SLC44A1: variants seen among roughly 807,000 people sequenced by gnomAD.
The protein encoded by SLC44A1 is solute carrier family 44 member 1, also known as choline transporter-like protein 1.
SLC44A1 carries 26 observed loss-of-function variants against 79.3 expected under a neutral mutation model. The ratio of observed to expected loss-of-function variants is 0.33; its 90% CI spans 0.24 to 0.46. The LOEUF (loss-of-function observed/expected upper bound fraction) is 0.46, where lower values mean the gene tolerates loss of function less well. Among genes scored for constraint, SLC44A1 ranks in the 20% least tolerant of loss-of-function variants. The pLI is 1.00. For missense variants in SLC44A1, 688 were observed against 798.1 expected, an observed-to-expected ratio of 0.86 and a Z score of 1.66; for synonymous variants, 263 against 286.2, an observed-to-expected ratio of 0.92 and a Z score of 0.82.
chr9:105,361,174 G>C lies in SLC44A1; in HGVS notation c.761-17G>C, dbSNP rs768612919. 10 of 1,612,374 alleles carry C rather than the reference G, an allele frequency of 6.2e-6. No individual in the cohort carries two copies. Among genetic ancestry groups the C allele is most frequent in the Non-Finnish European group, 6.8e-6 (8 of 1,178,538 alleles). On this transcript the variant is annotated splice_polypyrimidine_tract_variant and intron_variant, in intron 7 of 15. Transcript: ENST00000374720. ...TATCCTAATTATTGCATTAACAGTTGGGTCTTTTGTCTCCAGGAGGCACAG... is the reference window on the plus strand; with the variant it reads ...TATCCTAATTATTGCATTAACAGTTCGGTCTTTTGTCTCCAGGAGGCACAG...
At position 105,390,347 on chromosome 9, in the gene SLC44A1, T is replaced by A. The variant is rs571793719; in HGVS notation, c.*1291T>A. On this transcript the variant is annotated 3_prime_UTR_variant, in exon 16 of 16. Coordinates refer to ENST00000374720, the MANE Select transcript of SLC44A1 (RefSeq NM_080546.5). ...TAACTCCTTTTTGTTACAATTTTTT[T>A]AAAAAAAGCTATTTTTGTTAATGTA... The A allele has an allele frequency of 7.3e-5, 69 of 948,958 alleles. No homozygotes were observed. In the South Asian group the frequency reaches 3.0e-3, roughly 41 times the overall value. The allele number at this position is 948,958 out of a possible 1,614,324, so 58.8% of individuals were successfully genotyped here.
intron 3 of SLC44A1, among the ~76,000 whole-genome samples, chr9:105,324,514 A>C (rs979032495): frequency 1.3e-5 from 2 of 151,954 alleles, no homozygotes; most frequent in African/African-American, 4.8e-5. Context: ...CGGCCTCCCA[A>C]AGTGCTGGGA....
rs554937933 is a variant in SLC44A1, at chr9:105,391,920, T to C, written c.*2864T>C. The C allele has an allele frequency of 5.1e-6, 5 of 985,310 alleles. No homozygotes were observed. The highest frequency in any genetic ancestry group is 6.0e-6 in the Non-Finnish European group (5 of 829,848). The allele number at this position is 985,310 out of a possible 1,614,324, so 61.0% of individuals were successfully genotyped here. A position where few individuals can be genotyped will look rare whatever the true frequency, so the allele number is the denominator to read the frequency against. On this transcript the variant is annotated 3_prime_UTR_variant, in exon 16 of 16. Transcript: ENST00000374720. ...TTTAATTGGGGTCCTCTATTGTCAA[T>C]TGTAGTAGTGACCAGAGTATCGTGG...
chr9:105,341,335 C>CA (rs529318721), intron 4 of SLC44A1, among the ~76,000 whole-genome samples: 11,386 of 64,876 alleles, frequency 0.18, 1,333 homozygotes, highest in African/African-American at 0.41. Context: ...AACTTCGTCT[C>CA]AAAAAAAAAA....
intron 15 of SLC44A1, among the ~76,000 whole-genome samples, chr9:105,420,188 G>A (rs1202755964): frequency 2.0e-5 from 3 of 152,122 alleles, no homozygotes; most frequent in African/African-American, 4.8e-5. Context: ...CTAGCAGAAT[G>A]CGCCCTATTG....
At chr9:105,399,182 G>A (rs1378493448), downstream of SLC44A1, among the ~76,000 whole-genome samples, 1 of 152,148 alleles carries the variant, frequency 6.6e-6, no homozygotes, top group East Asian at 1.9e-4. Flanking sequence ...ATTCACCTAG[G>A]TTAAATTTAG....
At chr9:105,335,765 C>A in intron 4 of SLC44A1, 66 bp downstream of exon 4, 1 of 1,455,300 alleles carries the variant, frequency 6.9e-7, no homozygotes, top group Non-Finnish European at 9.3e-7. Context: ...TATAAATTTG[C>A]CCTAGTGTTA....
intron 1 of SLC44A1, among the ~76,000 whole-genome samples, chr9:105,290,291 G>T (rs748317462): frequency 6.6e-6 from 1 of 152,178 alleles, no homozygotes; most frequent in African/African-American, 2.4e-5. Flanking sequence ...GTGCGAAGTA[G>T]AGCTTTGGTC....
intron 15 of SLC44A1, among the ~76,000 whole-genome samples, chr9:105,420,413 C>T (rs1829230308): frequency 6.6e-6 from 1 of 152,156 alleles, no homozygotes; most frequent in South Asian, 2.1e-4. Context: ...GTCCCGGAGA[C>T]ATGTGCATGG....
At chr9:105,397,479 C>G (rs1828898233), downstream of SLC44A1, 1 of 392,930 alleles carries the variant, frequency 2.5e-6, no homozygotes, top group African/African-American at 2.2e-5. Flanking sequence ...CTGTTCCTTT[C>G]TGTCTCTCGC....
intron 3 of SLC44A1, among the ~76,000 whole-genome samples, chr9:105,318,700 T>C (rs541641846): frequency 2.0e-4 from 31 of 151,532 alleles, no homozygotes; most frequent in African/African-American, 6.4e-4. Flanking sequence ...TGGAAAATAC[T>C]GCGAGCAATT....
exon 16 of SLC44A1, chr9:105,438,294 G>A (rs1425515328): frequency 1.3e-6 from 2 of 1,550,316 alleles, no homozygotes; most frequent in South Asian, 2.4e-5. Context: ...AAGAAAAGGT[G>A]ACTGGTCTCA....
chr9:105,320,496 A>T (rs1287175298), intron 3 of SLC44A1, among the ~76,000 whole-genome samples: 1 of 152,166 alleles, frequency 6.6e-6, no homozygotes, highest in Non-Finnish European at 1.5e-5. Context: ...TTCCCACTAC[A>T]ATAGTAGGAG....
intron 1 of SLC44A1, among the ~76,000 whole-genome samples, chr9:105,297,932 C>G (rs12341779): frequency 6.6e-6 from 1 of 152,090 alleles, no homozygotes; most frequent in African/African-American, 2.4e-5. Context: ...CTCAGAGGAA[C>G]CTTTCCCATA....
downstream of SLC44A1, among the ~76,000 whole-genome samples, chr9:105,400,582 C>T (rs1828945996): frequency 1.3e-5 from 2 of 152,270 alleles, no homozygotes; most frequent in Admixed American, 6.5e-5. Flanking sequence ...CTTTCTGACT[C>T]CTGACTCTTC....
In SLC44A1 at chr9:105,299,219, G is replaced by T; in HGVS notation, c.37-1G>T. The T allele has an allele frequency of 6.3e-7, 1 of 1,585,382 alleles. No individual in the cohort carries two copies. On this transcript the variant is annotated splice_acceptor_variant, in intron 1 of 15. Transcript: ENST00000374720. LOFTEE classifies it high-confidence loss of function. ...CTCTCTTATTTTGTATTTCCAATTA[G>T]AGCTCCAAACGAGAATGGAAGCCGC...
intron 1 of SLC44A1, among the ~76,000 whole-genome samples, chr9:105,246,373 CTTT>C (rs11284181): frequency 8.4e-6 from 1 of 119,066 alleles, no homozygotes. Context: ...TTCCTCCAGT[CTTT>C]TTTTTTTTTT....
chr9:105,429,872 C>T, intron 15 of SLC44A1, among the ~76,000 whole-genome samples: 1 of 142,300 alleles, frequency 7.0e-6, no homozygotes, highest in East Asian at 1.9e-4. Context: ...ATGTGTATAC[C>T]TTAATTATAG....
At chr9:105,385,697 T>C (rs1828609821) in intron 15 of SLC44A1, 195 bp downstream of exon 15, 1 of 985,406 alleles carries the variant, frequency 1.0e-6, no homozygotes, top group African/African-American at 1.7e-5. Context: ...GACCACCTTC[T>C]ATAAAAGTAA....
Sources: gnomAD v4.1 joint callset for allele counts (sites outside exome capture counted in the v4.1 genomes callset) on GRCh38, gnomAD v4.1.1 for gene constraint, MANE v1.5 for transcripts, NCBI Gene and HGNC (gene_info 2026-07-23, HGNC 2026-07-21) for gene names.